Variants in CLGN observed in about 807,000 individuals in gnomAD.
The protein encoded by CLGN is calmegin, also known as testis tissue sperm-binding protein Li 79P.
CLGN carries 62 observed loss-of-function variants against 79.1 expected under a neutral mutation model. The observed-to-expected ratio is 0.78, with a 90% confidence interval of 0.64 to 0.97. The LOEUF (loss-of-function observed/expected upper bound fraction) is 0.97. Among genes scored for constraint, CLGN ranks in the 50% least tolerant of loss-of-function variants. The pLI is 0.00. For missense variants in CLGN, 647 were observed against 715.5 expected (o/e 0.90, Z 1.09); for synonymous variants, 225 against 224.7 (o/e 1.00, Z -0.01).
At position 140,392,358 on chromosome 4, in the gene CLGN, C is replaced by T; in HGVS notation, c.1512G>A (p.Glu504=). Residue 504 remains glutamate, a synonymous_variant, in exon 13 of 15, where the codon GAG becomes GAA. Transcript: ENST00000325617. ...RKVKKKHKDT[E]YKKTDICIPQ... ...GTATACATATGTCGGTTTTTTTATA[C>T]TCTGTATCTTTATGTTTTTTCTGTG... The T allele has an allele frequency of 6.3e-7, 1 of 1,597,568 alleles. No individual in the cohort carries two copies. Among genetic ancestry groups the T allele is most frequent in the Non-Finnish European group, 8.5e-7 (1 of 1,175,164 alleles).
intron 5 of CLGN, 134 bp downstream of exon 5, chr4:140,405,807 AT>A: frequency 2.6e-6 from 2 of 767,624 alleles, no homozygotes; most frequent in Non-Finnish European, 4.1e-6. Flanking sequence ...GTATATGCAC[AT>A]TTGTGTTTTA....
At chr4:140,391,905 C>T (rs1197023585) in intron 13 of CLGN, among the ~76,000 whole-genome samples, 1 of 151,864 alleles carries the variant, frequency 6.6e-6, no homozygotes, top group Non-Finnish European at 1.5e-5. Flanking sequence ...CTATCACCCT[C>T]CATCTCATCT....
chr4:140,407,497 C>T (rs11100639), intron 4 of CLGN, among the ~76,000 whole-genome samples: 19,405 of 150,980 alleles, frequency 0.13, 1,384 homozygotes, highest in East Asian at 0.23. Flanking sequence ...CTTACAAAAT[C>T]AATGTACACA....
chr4:140,398,769 C>A, intron 8 of CLGN, 82 bp downstream of exon 8: 1 of 1,206,952 alleles, frequency 8.3e-7, no homozygotes. Flanking sequence ...AAATAAACTT[C>A]ATGGGTTGTA....
intron 1 of CLGN, among the ~76,000 whole-genome samples, chr4:140,415,083 T>A (rs1263151279): frequency 6.6e-6 from 1 of 152,112 alleles, no homozygotes; most frequent in East Asian, 1.9e-4. Flanking sequence ...ACCCAGAATT[T>A]CATATCCAGC....
intron 8 of CLGN, among the ~76,000 whole-genome samples, chr4:140,398,263 CTTTTTTTTTTTTT>C (rs1162212217): frequency 3.5e-5 from 3 of 86,776 alleles, no homozygotes; most frequent in East Asian, 3.3e-4. Flanking sequence ...CAAACATACT[CTTTTTTTTTTTTT>C]TTTTTTTTTT....
chr4:140,415,182 C>A (rs1306749861), intron 1 of CLGN, among the ~76,000 whole-genome samples: 5 of 152,114 alleles, frequency 3.3e-5, no homozygotes, highest in Non-Finnish European at 7.3e-5. Context: ...GCCTGCCCTA[C>A]AAGAGCTCCT....
intron 1 of CLGN, among the ~76,000 whole-genome samples, chr4:140,414,073 C>A (rs1386266777): frequency 6.6e-6 from 1 of 152,202 alleles, no homozygotes; most frequent in African/African-American, 2.4e-5. Flanking sequence ...CTGGGAGGCA[C>A]CCCCCAGCAG....
chr4:140,403,001 A>T (rs2126622153), intron 5 of CLGN, among the ~76,000 whole-genome samples: 1 of 152,276 alleles, frequency 6.6e-6, no homozygotes, highest in South Asian at 2.1e-4. Context: ...GTAAAACATG[A>T]TAGTATACAA....
At chr4:140,406,180 C>G (rs1729103603) in intron 4 of CLGN, 97 bp from the exon 5 acceptor site, 3 of 1,217,660 alleles carry the variant, frequency 2.5e-6, no homozygotes, top group Non-Finnish European at 2.3e-6. Context: ...ATCCAGGAAG[C>G]CTGACTTGGG....
At chr4:140,425,433 T>TGTGGGTGTGG (rs1386886225) in intron 1 of CLGN, among the ~76,000 whole-genome samples, 6 of 76,162 alleles carry the variant, frequency 7.9e-5, no homozygotes, top group Non-Finnish European at 1.5e-4. Flanking sequence ...CAATAGGGTG[T>TGTGGGTGTGG]GTGTGTGTGT....
At chr4:140,393,756 A>T in intron 11 of CLGN, 70 bp downstream of exon 11, 4 of 1,349,244 alleles carry the variant, frequency 3.0e-6, no homozygotes, top group Non-Finnish European at 4.1e-6. Flanking sequence ...AGCCATCTGA[A>T]TAACCTACAA....
In CLGN at chr4:140,388,907, T is replaced by C. The variant is rs1360444307; in HGVS notation, c.*317A>G. 1 of 220,364 alleles carries C rather than the reference T, an allele frequency of 4.5e-6. No individual in the cohort carries two copies. The allele number at this position is 220,364 out of a possible 1,614,324, so 13.7% of individuals were successfully genotyped here. ...CAATAACTGATTTTTCCAATAGCAATGAAGCTGCTACATATTATTTTGTTC... is the reference window on the plus strand; with the variant it reads ...CAATAACTGATTTTTCCAATAGCAACGAAGCTGCTACATATTATTTTGTTC... On this transcript the variant is annotated 3_prime_UTR_variant, in exon 15 of 15. Transcript: ENST00000325617.
intron 1 of CLGN, among the ~76,000 whole-genome samples, chr4:140,417,645 G>T (rs1213400435): frequency 1.4e-4 from 21 of 151,568 alleles, no homozygotes; most frequent in African/African-American, 4.8e-4. Context: ...AACTTACAAG[G>T]GATGTGAAGG....
rs1197299144 is a variant in CLGN, at chr4:140,392,312, C to T, written c.1558G>A (p.Glu520Lys). The T allele has an allele frequency of 1.2e-6, 2 of 1,613,156 alleles. No homozygotes were observed. Among genetic ancestry groups the T allele is most frequent in the Non-Finnish European group, 1.7e-6 (2 of 1,179,542 alleles). ...ICIPQTKGVL[E>K]QEEKEEKAAL... Reference sequence around the variant, plus strand: ...GCTTTCTCTTCCTTTTCTTCTTGCTCTAGTACTCCTTTTGTTTGTGGTATA... The same window carrying T: ...GCTTTCTCTTCCTTTTCTTCTTGCTTTAGTACTCCTTTTGTTTGTGGTATA... The change falls in exon 13 of 15, where the codon GAG (glutamate) becomes AAG (lysine). Residue 520 changes from glutamate to lysine, a missense_variant. Physicochemically the swap from Glu to Lys is moderately conservative, Grantham distance 56 (BLOSUM62 1). Transcript: ENST00000325617.
chr4:140,421,701 C>G lies in CLGN; in HGVS notation c.-10+5836G>C, dbSNP rs540092401. 3.9e-5 allele frequency among the ~76,000 whole-genome samples: 6 copies of G among 152,192 alleles called. No individual in the cohort carries two copies. In the South Asian group the frequency reaches 1.2e-3, roughly 32 times the overall value. On this transcript the variant is annotated intron_variant, in intron 1 of 14. Coordinates refer to ENST00000325617, the MANE Select transcript of CLGN (RefSeq NM_004362.3). ...AGTTCCTACAAATTCTGGATACTGA[C>G]CCCTTATCAAATATATGATTGGCAA...
chr4:140,414,749 G>C (rs1352173646), intron 1 of CLGN, among the ~76,000 whole-genome samples: 3 of 148,750 alleles, frequency 2.0e-5, no homozygotes, highest in Non-Finnish European at 3.0e-5. Flanking sequence ...GTGATGGGGA[G>C]AATGGAACCA....
intron 1 of CLGN, among the ~76,000 whole-genome samples, chr4:140,427,323 AC>A (rs1347939627): frequency 2.0e-5 from 3 of 152,088 alleles, no homozygotes; most frequent in Admixed American, 6.5e-5. Context: ...TCCTGCGTCC[AC>A]CCACGGGGCC....
At position 140,390,598 on chromosome 4, in the gene CLGN, A is replaced by C. The variant is rs777593558; in HGVS notation, c.1752+30T>G. On this transcript the variant is annotated intron_variant, in intron 14 of 14. Transcript: ENST00000325617. The stretch of plus-strand genomic sequence containing the variant: ...AAAAAACTTTTTATGGATAACAACT[A>C]TACATAGAAACCAGCTTATTTTCTG... The C allele has an allele frequency of 2.0e-5, 30 of 1,489,382 alleles. 1 individual carries two copies. The Middle Eastern group carries it at 5.3e-4, about 26-fold the overall frequency. The allele number at this position is 1,489,382 out of a possible 1,614,324, so 92.3% of individuals were successfully genotyped here.
Sources: gnomAD v4.1 joint callset for allele counts (sites outside exome capture counted in the v4.1 genomes callset) on GRCh38, gnomAD v4.1.1 for gene constraint, MANE v1.5 for transcripts, NCBI Gene and HGNC (gene_info 2026-07-23, HGNC 2026-07-21) for gene names.